The following ASTN1 variants were observed in gnomAD, a reference collection of about 807,000 sequenced individuals.
ASTN1 encodes astrotactin 1.
In ASTN1, 41 loss-of-function variants were observed where a neutral mutation model predicts 140.7. That is an observed-to-expected ratio of 0.29 (90% CI 0.23 to 0.38). The LOEUF is 0.38. Among genes scored for constraint, ASTN1 ranks in the 10% least tolerant of loss-of-function variants. ASTN1 has a pLI of 1.00. For synonymous variants in ASTN1, 640 were observed against 652.2 expected, an observed-to-expected ratio of 0.98 and a Z score of 0.29; for missense variants, 1,479 against 1,678.8, an observed-to-expected ratio of 0.88 and a Z score of 2.08.
chr1:177,136,785 A>C (rs1682224982), intron 1 of ASTN1, among the ~76,000 whole-genome samples: 1 of 152,178 alleles, frequency 6.6e-6, no homozygotes, highest in Non-Finnish European at 1.5e-5. Context: ...AACAATAATA[A>C]GCAATGTCTT....
chr1:177,087,879 G>A lies in ASTN1; in HGVS notation c.284-26614C>T, dbSNP rs1319322569. On this transcript the variant is annotated intron_variant, in intron 1 of 22. Coordinates refer to ENST00000361833, the MANE Select transcript of ASTN1 (RefSeq NM_004319.3). Reference sequence around the variant, plus strand: ...ATTTTCACCTCACTGAGTGAAGTTCGGAGTTAAGGTCTCTCTGAGGGTGGC... The same window carrying A: ...ATTTTCACCTCACTGAGTGAAGTTCAGAGTTAAGGTCTCTCTGAGGGTGGC... Among the ~76,000 whole-genome samples the A allele has an allele frequency of 2.0e-5, 3 of 152,132 alleles. No homozygotes were observed. In the East Asian group the frequency reaches 5.8e-4, roughly 29 times the overall value.
At chr1:176,932,098 T>C (rs538498824) in intron 16 of ASTN1, among the ~76,000 whole-genome samples, 1 of 152,342 alleles carries the variant, frequency 6.6e-6, no homozygotes, top group African/African-American at 2.4e-5. Context: ...TTCACACTGG[T>C]AAACTTCCTT....
chr1:176,968,407 A>C (rs1007231472), intron 8 of ASTN1, among the ~76,000 whole-genome samples: 1 of 152,224 alleles, frequency 6.6e-6, no homozygotes, highest in African/African-American at 2.4e-5. Flanking sequence ...CAGATTATAG[A>C]TGTCTTCACA....
At chr1:177,102,461 A>G (rs1380532676) in intron 1 of ASTN1, among the ~76,000 whole-genome samples, 1 of 152,124 alleles carries the variant, frequency 6.6e-6, no homozygotes. Flanking sequence ...GAGGTCAATG[A>G]CCCTTTGCAG....
chr1:177,097,389 G>C (rs913468694), intron 1 of ASTN1, among the ~76,000 whole-genome samples: 1 of 152,050 alleles, frequency 6.6e-6, no homozygotes, highest in African/African-American at 2.4e-5. Context: ...CCTGGGTCTC[G>C]GGTTAGAACC....
intron 1 of ASTN1, among the ~76,000 whole-genome samples, chr1:177,077,210 G>A (rs916404093): frequency 2.0e-5 from 3 of 152,162 alleles, no homozygotes; most frequent in Non-Finnish European, 4.4e-5. Context: ...AGATATCAGG[G>A]ACTTTCCCCC....
chr1:176,897,248 C>T (rs995831487), intron 16 of ASTN1, among the ~76,000 whole-genome samples: 1 of 129,176 alleles, frequency 7.7e-6, no homozygotes, highest in Non-Finnish European at 1.6e-5. Flanking sequence ...GCATTCCAGC[C>T]TGGGCTACAG....
At chr1:177,081,558 A>T (rs567556917) in intron 1 of ASTN1, among the ~76,000 whole-genome samples, 1 of 152,278 alleles carries the variant, frequency 6.6e-6, no homozygotes, top group African/African-American at 2.4e-5. Context: ...AAGTTTAAAG[A>T]TAAGTGAGCT....
chr1:176,999,779 T>C lies in ASTN1; in HGVS notation c.1523+15012A>G, dbSNP rs554029652. Among the ~76,000 whole-genome samples the C allele has an allele frequency of 7.8e-4, 119 of 152,132 alleles. No individual in the cohort carries two copies. The Middle Eastern group carries it at 0.02, about 26-fold the overall frequency. On this transcript the variant is annotated intron_variant, in intron 8 of 22. Coordinates refer to ENST00000361833, the MANE Select transcript of ASTN1 (RefSeq NM_004319.3). ...CCCATATTGTTCTCGGGATAGTGAG[T>C]GGGTTCTCACAAGATTTGATGGTTT...
intron 2 of ASTN1, among the ~76,000 whole-genome samples, chr1:177,033,595 T>A (rs748569665): frequency 6.6e-6 from 1 of 152,162 alleles, no homozygotes; most frequent in African/African-American, 2.4e-5. Flanking sequence ...TGGGGAGGAA[T>A]CTCATCATCT....
intron 1 of ASTN1, among the ~76,000 whole-genome samples, chr1:177,117,934 C>T (rs1449409954): frequency 6.6e-6 from 1 of 152,176 alleles, no homozygotes; most frequent in African/African-American, 2.4e-5. Flanking sequence ...CTGTTTATGA[C>T]ATGTTTATTT....
At chr1:176,993,108 G>C (rs1674266209) in intron 8 of ASTN1, among the ~76,000 whole-genome samples, 1 of 152,196 alleles carries the variant, frequency 6.6e-6, no homozygotes, top group Admixed American at 6.5e-5. Flanking sequence ...CTAGTGCCCT[G>C]ATCTCGACTT....
At position 176,871,212 on chromosome 1, in the gene ASTN1, T is replaced by C. The variant is rs753077128; in HGVS notation, c.3464-2185A>G. On this transcript the variant is annotated intron_variant, in intron 21 of 22. Coordinates refer to ENST00000361833, the MANE Select transcript of ASTN1 (RefSeq NM_004319.3). ...AGCTGTGCAGGGGGTCTGTCATTTCTGAAGTTGAGACAAGAAGAGGCCAAG... is the reference window on the plus strand; with the variant it reads ...AGCTGTGCAGGGGGTCTGTCATTTCCGAAGTTGAGACAAGAAGAGGCCAAG... Among the ~76,000 whole-genome samples, 3 of 152,272 alleles carry C rather than the reference T, an allele frequency of 2.0e-5. No individual in the cohort carries two copies. In the South Asian group the frequency reaches 6.2e-4, roughly 32 times the overall value.
At chr1:177,077,884 G>A (rs573932040) in intron 1 of ASTN1, among the ~76,000 whole-genome samples, 2 of 152,238 alleles carry the variant, frequency 1.3e-5, no homozygotes, top group Admixed American at 6.5e-5. Context: ...TCCACAACAT[G>A]GTTTGACACA....
At chr1:177,054,582 T>C (rs979709399) in intron 2 of ASTN1, among the ~76,000 whole-genome samples, 5 of 152,220 alleles carry the variant, frequency 3.3e-5, no homozygotes, top group Admixed American at 6.5e-5. Context: ...ACCTGTGGGA[T>C]AACCTGATAT....
chr1:176,946,935 A>T (rs1671983863), intron 12 of ASTN1, among the ~76,000 whole-genome samples: 3 of 152,228 alleles, frequency 2.0e-5, no homozygotes, highest in African/African-American at 7.2e-5. Flanking sequence ...GGCTGTCATT[A>T]AAAAAGAATA....
intron 1 of ASTN1, among the ~76,000 whole-genome samples, chr1:177,063,822 G>A (rs73047038): frequency 9.9e-5 from 15 of 151,954 alleles, no homozygotes; most frequent in Non-Finnish European, 2.1e-4. Flanking sequence ...GTCATAGCTC[G>A]TAACAGAGCA....
intron 1 of ASTN1, among the ~76,000 whole-genome samples, chr1:177,100,241 T>G (rs1319288808): frequency 6.6e-6 from 1 of 152,168 alleles, no homozygotes; most frequent in African/African-American, 2.4e-5. Context: ...TTATAATAGT[T>G]GGTATTTGGT....
intron 22 of ASTN1, among the ~76,000 whole-genome samples, chr1:176,866,719 T>C (rs917115564): frequency 9.2e-5 from 14 of 152,314 alleles, no homozygotes; most frequent in African/African-American, 3.4e-4. Flanking sequence ...TTCTAATTAG[T>C]GGTGCAACCA....
Sources: gnomAD v4.1 joint callset for allele counts (sites outside exome capture counted in the v4.1 genomes callset) on GRCh38, gnomAD v4.1.1 for gene constraint, MANE v1.5 for transcripts, NCBI Gene and HGNC (gene_info 2026-07-23, HGNC 2026-07-21) for gene names.